The following ALDH1A1 variants were observed in gnomAD, a reference collection of about 807,000 sequenced individuals.
ALDH1A1 encodes the protein aldehyde dehydrogenase 1 family member A1, also known as aldehyde dehydrogenase 1A1.
A neutral mutation model predicts 62.1 loss-of-function variants in ALDH1A1; 19 were observed. That is an observed-to-expected ratio of 0.31 (90% CI 0.21 to 0.45). The LOEUF (loss-of-function observed/expected upper bound fraction) is 0.45, where lower values mean the gene tolerates loss of function less well. Ranked by LOEUF, ALDH1A1 falls within the 20% of genes least tolerant of loss-of-function variation. The probability of loss-of-function intolerance (pLI) is 1.00; values close to 1 mark genes in which losing one functional copy is unlikely to be tolerated. For missense variants in ALDH1A1, 521 were observed against 607.1 expected (o/e 0.86, Z 1.49); for synonymous variants, 231 against 215.9 (o/e 1.07, Z -0.61).
chr9:72,925,185 C>T (rs544258720), intron 6 of ALDH1A1, among the ~76,000 whole-genome samples: 2 of 152,264 alleles, frequency 1.3e-5, no homozygotes, highest in East Asian at 3.9e-4. Context: ...TGAAAGAATG[C>T]TACATTAATT....
intron 1 of ALDH1A1, among the ~76,000 whole-genome samples, chr9:72,944,477 T>C (rs190826843): frequency 1.9e-4 from 29 of 150,840 alleles, no homozygotes; most frequent in Non-Finnish European, 4.1e-4. Flanking sequence ...CTCAAATACA[T>C]TTTTTTTCTG....
chr9:72,928,794 G>C (rs1034218696), intron 4 of ALDH1A1, 98 bp downstream of exon 4: 1 of 1,318,584 alleles, frequency 7.6e-7, no homozygotes, highest in Non-Finnish European at 9.9e-7. Flanking sequence ...TGCCTTATTT[G>C]GTTGACATCT....
chr9:72,908,302 G>A (rs1270798846), intron 11 of ALDH1A1, among the ~76,000 whole-genome samples: 1 of 151,206 alleles, frequency 6.6e-6, no homozygotes, highest in East Asian at 1.9e-4. Flanking sequence ...GGGCTTGGTG[G>A]TACATGCCTG....
At chr9:72,946,241 ATATAAAGCATAATTCAGTAGT>A (rs1447537285) in intron 1 of ALDH1A1, among the ~76,000 whole-genome samples, 2 of 152,044 alleles carry the variant, frequency 1.3e-5, no homozygotes, top group African/African-American at 4.8e-5. Flanking sequence ...AGAATGCCAA[ATATAAAGCATAATTCAGTAGT>A]TATTTGTATT....
At chr9:72,929,898 G>A (rs550891858) in intron 3 of ALDH1A1, among the ~76,000 whole-genome samples, 62 of 152,268 alleles carry the variant, frequency 4.1e-4, no homozygotes, top group African/African-American at 1.4e-3. Context: ...CCAAGTTTTA[G>A]CATTTTCTGC....
At position 72,913,521 on chromosome 9, in the gene ALDH1A1, T is replaced by C. The variant is rs181643318; in HGVS notation, c.1036-1399A>G. Reference sequence around the variant, plus strand: ...ACTCCACATAAAGCTTTCTGTCTTATTGGAACATATTAATCTGACTATGCC... The same window carrying C: ...ACTCCACATAAAGCTTTCTGTCTTACTGGAACATATTAATCTGACTATGCC... On this transcript the variant is annotated intron_variant, in intron 9 of 12. Transcript: ENST00000297785. Among the ~76,000 whole-genome samples the C allele has an allele frequency of 1.7e-3, 262 of 152,328 alleles. 2 individuals are homozygous for C. Among genetic ancestry groups the C allele is most frequent in the Admixed American group, 4.1e-3 (63 of 15,292 alleles).
intron 9 of ALDH1A1, among the ~76,000 whole-genome samples, chr9:72,915,925 G>C (rs546938991): frequency 1.3e-5 from 2 of 152,302 alleles, no homozygotes; most frequent in Non-Finnish European, 2.9e-5. Context: ...CAAATTGACA[G>C]CACGCATCAG....
intron 8 of ALDH1A1, among the ~76,000 whole-genome samples, chr9:72,917,949 C>T (rs760894401): frequency 2.0e-5 from 3 of 152,138 alleles, no homozygotes; most frequent in African/African-American, 4.8e-5. Context: ...AGAAATCTTT[C>T]ATGTTTATAG....
chr9:72,908,504 GACGAAAGAAAGA>G (rs1829911505), intron 11 of ALDH1A1, among the ~76,000 whole-genome samples: 3 of 31,758 alleles, frequency 9.4e-5, no homozygotes, highest in East Asian at 7.3e-4. Flanking sequence ...GAGAGAGAGA[GACGAAAGAAAGA>G]AAGAAAGAAA....
chr9:72,909,960 T>C lies in ALDH1A1; in HGVS notation c.1201-201A>G, dbSNP rs371351871. ...ATAATGGTCAGGTGTTAAATTTCCTTTGGAAGAAGAAAGGGTACAAATAAT... is the reference window on the plus strand; with the variant it reads ...ATAATGGTCAGGTGTTAAATTTCCTCTGGAAGAAGAAAGGGTACAAATAAT... On this transcript the variant is annotated intron_variant, in intron 10 of 12. Transcript: ENST00000297785. Among the ~76,000 whole-genome samples, 3 of 152,288 alleles carry C rather than the reference T, an allele frequency of 2.0e-5. No homozygotes were observed. In the East Asian group the frequency reaches 5.8e-4, roughly 29 times the overall value.
At chr9:72,906,205 A>T (rs1829876755) in intron 11 of ALDH1A1, among the ~76,000 whole-genome samples, 173 bp from the exon 12 acceptor site, 1 of 152,186 alleles carries the variant, frequency 6.6e-6, no homozygotes, top group Non-Finnish European at 1.5e-5. Flanking sequence ...ACATATATGG[A>T]TACACACTAC....
intron 1 of ALDH1A1, among the ~76,000 whole-genome samples, chr9:72,941,027 C>T (rs537509341): frequency 2.0e-5 from 3 of 152,192 alleles, no homozygotes; most frequent in South Asian, 4.1e-4. Context: ...TCTTGAGGAG[C>T]CAGCTTTCAC....
chr9:72,925,758 A>G, intron 5 of ALDH1A1, 146 bp from the exon 6 acceptor site: 4 of 871,778 alleles, frequency 4.6e-6, no homozygotes, highest in Non-Finnish European at 6.7e-6. Flanking sequence ...CTTCATTGCT[A>G]AAAGCAACTA....
chr9:72,943,341 T>G (rs1830438387), intron 1 of ALDH1A1, among the ~76,000 whole-genome samples: 1 of 152,146 alleles, frequency 6.6e-6, no homozygotes, highest in South Asian at 2.1e-4. Context: ...TATAGCTTAT[T>G]TTACTCTCTT....
At chr9:72,905,244 CA>C (rs1388142877) in intron 12 of ALDH1A1, among the ~76,000 whole-genome samples, 1 of 151,972 alleles carries the variant, frequency 6.6e-6, no homozygotes, top group Non-Finnish European at 1.5e-5. Context: ...CTTGCCTAAA[CA>C]AAATCAACTA....
At chr9:72,936,467 A>T (rs139298635) in intron 2 of ALDH1A1, among the ~76,000 whole-genome samples, 1 of 152,146 alleles carries the variant, frequency 6.6e-6, no homozygotes, top group African/African-American at 2.4e-5. Flanking sequence ...GAGAGAAAGT[A>T]TGTAGCTCTC....
At chr9:72,920,737 G>T (rs917061695) in intron 7 of ALDH1A1, among the ~76,000 whole-genome samples, 31 of 152,264 alleles carry the variant, frequency 2.0e-4, no homozygotes, top group African/African-American at 7.2e-4. Context: ...ATTAATTTTT[G>T]TCTCATGATT....
At chr9:72,951,671 C>G (rs565576261) in intron 1 of ALDH1A1, among the ~76,000 whole-genome samples, 1 of 151,836 alleles carries the variant, frequency 6.6e-6, no homozygotes, top group East Asian at 1.9e-4. Context: ...CTCTTGCAAC[C>G]TTTTGGACAT....
At chr9:72,912,232 C>T (rs918141066) in intron 9 of ALDH1A1, 110 bp from the exon 10 acceptor site, 29 of 829,932 alleles carry the variant, frequency 3.5e-5, no homozygotes, top group Non-Finnish European at 4.8e-5. Context: ...GCAATTAAAC[C>T]AAATATTGAA....
Sources: gnomAD v4.1 joint callset for allele counts (sites outside exome capture counted in the v4.1 genomes callset) on GRCh38, gnomAD v4.1.1 for gene constraint, MANE v1.5 for transcripts, NCBI Gene and HGNC (gene_info 2026-07-23, HGNC 2026-07-21) for gene names.